Variants in TMEM163 observed in about 807,000 individuals in gnomAD.
TMEM163 encodes the protein transmembrane protein 163.
TMEM163 carries 17 observed loss-of-function variants against 29.3 expected under a neutral mutation model. The observed-to-expected ratio is 0.58, with a 90% confidence interval of 0.40 to 0.87. The LOEUF is 0.87. TMEM163 is among the 40% of genes least tolerant of loss of function. The probability of loss-of-function intolerance (pLI) is 0.00; values close to 1 mark genes in which losing one functional copy is unlikely to be tolerated. For missense variants in TMEM163, 303 were observed against 381.5 expected, an observed-to-expected ratio of 0.79 and a Z score of 1.71; for synonymous variants, 157 against 160.6, an observed-to-expected ratio of 0.98 and a Z score of 0.17.
intron 2 of TMEM163, among the ~76,000 whole-genome samples, chr2:134,622,909 T>C (rs1002689863): frequency 6.6e-6 from 1 of 152,050 alleles, no homozygotes; most frequent in Non-Finnish European, 1.5e-5. Flanking sequence ...ATTACAGGCG[T>C]CCGCCACCAC....
intron 2 of TMEM163, among the ~76,000 whole-genome samples, chr2:134,712,955 C>T (rs532411639): frequency 8.5e-5 from 13 of 152,230 alleles, no homozygotes; most frequent in African/African-American, 2.2e-4. Flanking sequence ...CATCTACTTC[C>T]GCAAGCCCGC....
At chr2:134,504,505 A>G (rs563983) in intron 4 of TMEM163, among the ~76,000 whole-genome samples, 29,725 of 151,170 alleles carry the variant, frequency 0.2, 3,290 homozygotes, top group South Asian at 0.37. Context: ...CACTGCTGAA[A>G]AGTCCGCACA....
At chr2:134,594,345 T>C (rs1682012675) in intron 2 of TMEM163, among the ~76,000 whole-genome samples, 1 of 152,176 alleles carries the variant, frequency 6.6e-6, no homozygotes, top group Non-Finnish European at 1.5e-5. Flanking sequence ...AGGCTTATTT[T>C]ATTCCATTAT....
At chr2:134,546,550 A>T (rs778776325) in intron 4 of TMEM163, among the ~76,000 whole-genome samples, 1 of 151,946 alleles carries the variant, frequency 6.6e-6, no homozygotes, top group Non-Finnish European at 1.5e-5. Flanking sequence ...AGGCTGAGGC[A>T]GGAGAATGGC....
chr2:134,654,234 T>G (rs1683547099), intron 2 of TMEM163, among the ~76,000 whole-genome samples: 1 of 131,302 alleles, frequency 7.6e-6, no homozygotes, highest in Admixed American at 7.4e-5. Context: ...GCTGCTCCTG[T>G]ATTGGGTGCA....
At chr2:134,539,436 G>A (rs1485116109) in intron 4 of TMEM163, among the ~76,000 whole-genome samples, 2 of 152,218 alleles carry the variant, frequency 1.3e-5, no homozygotes, top group Non-Finnish European at 2.9e-5. Context: ...ATGCACAATA[G>A]CACCCAGTGG....
chr2:134,603,464 C>G (rs1048719362), intron 2 of TMEM163, among the ~76,000 whole-genome samples: 4 of 152,178 alleles, frequency 2.6e-5, no homozygotes, highest in Admixed American at 6.5e-5. Flanking sequence ...TCAAAGAAAG[C>G]GTCTTCAGAC....
rs189662213 is a variant in TMEM163, at chr2:134,600,903, T to C, written c.323-48812A>G. Among the ~76,000 whole-genome samples the C allele has an allele frequency of 4.7e-3, 711 of 152,152 alleles. 7 individuals are homozygous for C. The highest frequency in any genetic ancestry group is 0.018 in the Admixed American group (276 of 15,282). On this transcript the variant is annotated intron_variant, in intron 2 of 7. Coordinates refer to ENST00000281924, the MANE Select transcript of TMEM163 (RefSeq NM_030923.5). ...AGGGCACTACATTTGCCCCATGAAC[T>C]CAAAGACAACTTTAGGTCTCAGCCC...
chr2:134,703,679 TAAGA>T (rs1684748562), intron 2 of TMEM163, among the ~76,000 whole-genome samples: 1 of 151,780 alleles, frequency 6.6e-6, no homozygotes, highest in South Asian at 2.1e-4. Flanking sequence ...AAAAACAAAT[TAAGA>T]GTTAGCATTG....
intron 2 of TMEM163, among the ~76,000 whole-genome samples, chr2:134,614,349 T>C (rs1416306085): frequency 6.6e-6 from 1 of 152,052 alleles, no homozygotes; most frequent in Non-Finnish European, 1.5e-5. Flanking sequence ...TATGTAAAAC[T>C]TAAAACTATA....
intron 2 of TMEM163, among the ~76,000 whole-genome samples, chr2:134,638,450 G>A (rs1683154944): frequency 6.6e-6 from 1 of 152,190 alleles, no homozygotes; most frequent in Non-Finnish European, 1.5e-5. Context: ...AAAGGGGGCT[G>A]GCAGGATCAC....
chr2:134,627,303 C>T (rs553508017), intron 2 of TMEM163, among the ~76,000 whole-genome samples: 7 of 152,044 alleles, frequency 4.6e-5, no homozygotes, highest in Non-Finnish European at 7.4e-5. Flanking sequence ...AATCAAGCGC[C>T]TCATTTTCTT....
chr2:134,545,285 CCAAA>C (rs1574224996), intron 4 of TMEM163, among the ~76,000 whole-genome samples: 1 of 152,142 alleles, frequency 6.6e-6, no homozygotes, highest in African/African-American at 2.4e-5. Context: ...CCCTTCTCTC[CCAAA>C]CACTCTCATC....
intron 5 of TMEM163, among the ~76,000 whole-genome samples, chr2:134,495,833 A>C (rs953339693): frequency 1.3e-5 from 2 of 152,206 alleles, no homozygotes; most frequent in Non-Finnish European, 2.9e-5. Flanking sequence ...CCTCTGCTTT[A>C]ATCCATACAA....
intron 6 of TMEM163, among the ~76,000 whole-genome samples, chr2:134,461,683 G>A (rs564234): frequency 0.17 from 25,859 of 152,156 alleles, 2,737 homozygotes; most frequent in South Asian, 0.31. Context: ...CATCTCCATC[G>A]GCCACACCCT....
At chr2:134,597,723 G>A (rs774558442) in intron 2 of TMEM163, among the ~76,000 whole-genome samples, 13 of 152,112 alleles carry the variant, frequency 8.5e-5, no homozygotes, top group South Asian at 4.1e-4. Context: ...GGTAGAATTC[G>A]GCTGTGAATC....
intron 2 of TMEM163, among the ~76,000 whole-genome samples, chr2:134,706,569 G>C (rs574809853): frequency 6.6e-6 from 1 of 152,216 alleles, no homozygotes; most frequent in African/African-American, 2.4e-5. Flanking sequence ...AGCCTGGAAG[G>C]CTTCCCAGAA....
At position 134,700,942 on chromosome 2, in the gene TMEM163, A is replaced by ATAAATAAATAAATAAATAAT. The variant is rs61311028; in HGVS notation, c.322+12257_322+12258insATTATTTATTTATTTATTTA. Among the ~76,000 whole-genome samples, 787 of 119,352 alleles carry ATAAATAAATAAATAAATAAT rather than the reference A, an allele frequency of 6.6e-3. 13 individuals are homozygous for ATAAATAAATAAATAAATAAT. The highest frequency in any genetic ancestry group is 0.019 in the African/African-American group (552 of 29,734). The allele number at this position is 119,352 out of a possible 152,430, so 78.3% of individuals were successfully genotyped here. A position where few individuals can be genotyped will look rare whatever the true frequency, so the allele number is the denominator to read the frequency against. ...AATAAATAAATAAATAAATAAATAA[A>ATAAATAAATAAATAAATAAT]TAAATAAAGTAAAAAATAAAAAGAC... is the stretch of plus-strand genomic sequence containing the variant. On this transcript the variant is annotated intron_variant, in intron 2 of 7. Coordinates refer to ENST00000281924, the MANE Select transcript of TMEM163 (RefSeq NM_030923.5).
intron 4 of TMEM163, among the ~76,000 whole-genome samples, chr2:134,510,105 G>A (rs1165982257): frequency 6.6e-6 from 1 of 152,048 alleles, no homozygotes; most frequent in Non-Finnish European, 1.5e-5. Flanking sequence ...CATCACCCAT[G>A]GTACACATAA....
Sources: gnomAD v4.1 joint callset for allele counts (sites outside exome capture counted in the v4.1 genomes callset) on GRCh38, gnomAD v4.1.1 for gene constraint, MANE v1.5 for transcripts, NCBI Gene and HGNC (gene_info 2026-07-23, HGNC 2026-07-21) for gene names.